The following BABAM2 variants were observed in gnomAD, a reference collection of about 807,000 sequenced individuals.
BABAM2 encodes BRISC and BRCA1 A complex member 2, also known as BRISC and BRCA1-A complex member 2.
In BABAM2, 31 loss-of-function variants were observed where a neutral mutation model predicts 54.7. That is an observed-to-expected ratio of 0.57 (90% CI 0.43 to 0.77). The LOEUF (loss-of-function observed/expected upper bound fraction) is 0.77, where lower values mean the gene tolerates loss of function less well. Among genes scored for constraint, BABAM2 ranks in the 30% least tolerant of loss-of-function variants. The probability of loss-of-function intolerance (pLI) is 0.00; values close to 1 mark genes in which losing one functional copy is unlikely to be tolerated. For missense variants in BABAM2, 364 were observed against 455.8 expected (o/e 0.80, Z 1.83); for synonymous variants, 167 against 162.9 (o/e 1.03, Z -0.19).
At chr2:28,288,081 T>C (rs919026137) in intron 10 of BABAM2, among the ~76,000 whole-genome samples, 4 of 152,110 alleles carry the variant, frequency 2.6e-5, no homozygotes, top group African/African-American at 4.8e-5. Context: ...GGAGCACAGG[T>C]TGGAAGCATG....
intron 6 of BABAM2, among the ~76,000 whole-genome samples, chr2:28,060,196 T>C (rs890572147): frequency 7.9e-5 from 12 of 152,186 alleles, no homozygotes; most frequent in African/African-American, 2.7e-4. Context: ...AGGCTGAATA[T>C]TCAAAAATCA....
chr2:27,925,131 C>T (rs1025640463), intron 2 of BABAM2, among the ~76,000 whole-genome samples: 2 of 152,162 alleles, frequency 1.3e-5, no homozygotes, highest in African/African-American at 4.8e-5. Context: ...CCCTGTCCCC[C>T]ATTCCCACTT....
chr2:28,275,555 C>T (rs925002272), intron 10 of BABAM2, among the ~76,000 whole-genome samples: 6 of 152,154 alleles, frequency 3.9e-5, no homozygotes, highest in Admixed American at 2.0e-4. Flanking sequence ...ACACAGTAAA[C>T]GGGTGGAGTA....
chr2:28,173,045 T>C (rs756770074), intron 7 of BABAM2, among the ~76,000 whole-genome samples: 2 of 152,164 alleles, frequency 1.3e-5, no homozygotes, highest in Non-Finnish European at 2.9e-5. Context: ...TCCGGTCTTA[T>C]AAAGACACTA....
intron 10 of BABAM2, among the ~76,000 whole-genome samples, chr2:28,278,690 A>G (rs1224750898): frequency 1.3e-5 from 2 of 152,182 alleles, no homozygotes; most frequent in Non-Finnish European, 2.9e-5. Context: ...TGAATCTGTG[A>G]TATGAGGGGA....
chr2:27,955,388 T>C (rs1670011784), intron 3 of BABAM2, among the ~76,000 whole-genome samples: 1 of 152,238 alleles, frequency 6.6e-6, no homozygotes, highest in South Asian at 2.1e-4. Flanking sequence ...AAGCACACTA[T>C]TGTTACTCAT....
At chr2:28,208,763 G>C (rs1573847028) in intron 7 of BABAM2, among the ~76,000 whole-genome samples, 2 of 152,136 alleles carry the variant, frequency 1.3e-5, no homozygotes, top group African/African-American at 4.8e-5. Context: ...TGGCCTCTGA[G>C]TACATACATA....
chr2:27,916,506 T>C (rs557409901), intron 2 of BABAM2, among the ~76,000 whole-genome samples: 2 of 152,228 alleles, frequency 1.3e-5, no homozygotes, highest in Admixed American at 6.5e-5. Context: ...TGTTTGACCT[T>C]GTCCACTCCA....
intron 3 of BABAM2, among the ~76,000 whole-genome samples, chr2:27,982,743 CT>C (rs1672105759): frequency 6.6e-6 from 1 of 151,680 alleles, no homozygotes; most frequent in African/African-American, 2.4e-5. Context: ...TAGTATTTGT[CT>C]TTTTGTGACT....
chr2:28,078,740 G>T (rs1398646056), intron 6 of BABAM2, among the ~76,000 whole-genome samples: 2 of 152,142 alleles, frequency 1.3e-5, no homozygotes, highest in African/African-American at 4.8e-5. Context: ...ATTTGGAATT[G>T]CCTTTCAGAC....
intron 11 of BABAM2, chr2:28,309,848 G>A (rs1688914267): frequency 1.8e-5 from 9 of 500,508 alleles, no homozygotes; most frequent in South Asian, 5.4e-5. Flanking sequence ...CAGAGCCCCC[G>A]AGAAGACAAT....
At chr2:27,965,336 G>A (rs1352063384) in intron 3 of BABAM2, among the ~76,000 whole-genome samples, 1 of 152,094 alleles carries the variant, frequency 6.6e-6, no homozygotes, top group Non-Finnish European at 1.5e-5. Flanking sequence ...AAATATTTTT[G>A]AAATGGAAAA....
At chr2:28,002,584 G>A (rs920768233) in intron 4 of BABAM2, among the ~76,000 whole-genome samples, 3 of 151,910 alleles carry the variant, frequency 2.0e-5, no homozygotes, top group Admixed American at 2.0e-4. Context: ...TTAATCCTAA[G>A]ATGGCTATCT....
chr2:28,138,848 C>T (rs1670769103), intron 7 of BABAM2, among the ~76,000 whole-genome samples: 1 of 152,176 alleles, frequency 6.6e-6, no homozygotes, highest in Admixed American at 6.5e-5. Flanking sequence ...TTGCCCCAGC[C>T]TGTTTCAAGC....
chr2:28,093,596 A>G (rs182533110), intron 6 of BABAM2, among the ~76,000 whole-genome samples: 5 of 152,302 alleles, frequency 3.3e-5, no homozygotes, highest in Admixed American at 2.0e-4. Flanking sequence ...TAAAGATAGA[A>G]CGTTAATTTC....
chr2:28,121,410 C>T (rs1421168921), intron 6 of BABAM2, among the ~76,000 whole-genome samples: 2 of 152,182 alleles, frequency 1.3e-5, no homozygotes, highest in African/African-American at 2.4e-5. Flanking sequence ...ACTTATGTCA[C>T]TTTCCTTGTT....
chr2:27,922,178 T>C (rs1483257155), intron 2 of BABAM2, among the ~76,000 whole-genome samples: 2 of 152,214 alleles, frequency 1.3e-5, no homozygotes, highest in African/African-American at 4.8e-5. Context: ...AAATGACAGT[T>C]CTTGAACTTA....
chr2:28,091,261 C>T (rs1666131669), intron 6 of BABAM2, among the ~76,000 whole-genome samples: 1 of 152,156 alleles, frequency 6.6e-6, no homozygotes, highest in Non-Finnish European at 1.5e-5. Flanking sequence ...ATACAAACTC[C>T]TTTAATAGAG....
At chr2:27,985,451 T>G (rs2148481210) in intron 3 of BABAM2, among the ~76,000 whole-genome samples, 1 of 152,286 alleles carries the variant, frequency 6.6e-6, no homozygotes, top group South Asian at 2.1e-4. Context: ...TATTGTGGTT[T>G]TGATTTGCAT....
Sources: allele counts gnomAD v4.1 joint callset (sites outside exome capture counted in the v4.1 genomes callset), GRCh38; gene constraint gnomAD v4.1.1; transcripts MANE v1.5; gene names NCBI Gene and HGNC (gene_info 2026-07-23, HGNC 2026-07-21).